The following ACAP3 variants were observed in gnomAD, a reference collection of about 807,000 sequenced individuals.
The protein encoded by ACAP3 is arf-GAP with coiled-coil, ANK repeat and PH domain-containing protein 3.
A neutral mutation model predicts 104.1 loss-of-function variants in ACAP3; 56 were observed. The ratio of observed to expected loss-of-function variants is 0.54; its 90% confidence interval spans 0.43 to 0.67. ACAP3 has a LOEUF of 0.67. ACAP3 is among the 30% of genes least tolerant of loss of function. The pLI is 0.00. For missense variants in ACAP3, 1,208 were observed against 1,174.9 expected, an observed-to-expected ratio of 1.03 and a Z score of -0.41; for synonymous variants, 628 against 496.2, an observed-to-expected ratio of 1.27 and a Z score of -3.53.
intron 16 of ACAP3, 27 bp downstream of exon 16, chr1:1,296,184 C>T (rs763627196): frequency 1.3e-5 from 20 of 1,594,992 alleles, no homozygotes; most frequent in Admixed American, 8.8e-5. Flanking sequence ...AACGGGGTCC[C>T]GTGGCCTCCA....
Position 1,295,736 on chromosome 1 carries a change from C to T in ACAP3, c.1705G>A (p.Val569Met). 1 of 1,600,732 alleles carries T rather than the reference C, an allele frequency of 6.2e-7. No homozygotes were observed. Among genetic ancestry groups the T allele is most frequent in the Non-Finnish European group, 8.5e-7 (1 of 1,175,600 alleles). The part of the protein sequence containing the change: ...VLPCVAALSS[V>M]GTLDRKFRRD... The stretch of plus-strand genomic sequence containing the variant: ...GCCCTGCCGGGGCATGGCCTCCCAC[C>T]TGAGGACAGAGCGGCCACACAGGGC... The change falls in exon 18 of 24, where the codon GTG (valine) becomes ATG (methionine). Residue 569 changes from valine to methionine, a missense_variant and splice_region_variant. Val to Met is a conservative substitution (Grantham distance 21, BLOSUM62 1). Coordinates refer to ENST00000354700, the MANE Select transcript of ACAP3 (RefSeq NM_030649.3).
Position 1,304,101 on chromosome 1 carries a change from C to T in ACAP3, c.90G>A (p.Glu30=). The change falls in exon 2 of 24, where the codon GAG becomes GAA. Residue 30 remains glutamate, a synonymous_variant. Transcript: ENST00000354700. ...DEVETDVVEI[E]AKLDKLVKLC... The stretch of plus-strand genomic sequence containing the variant: ...CGCCCTTCACCTTGTCCAGTTTGGC[C>T]TCAATCTCCACCACGTCCGTCTCCA... The T allele has an allele frequency of 6.4e-7, 1 of 1,550,784 alleles. No individual in the cohort carries two copies. Among genetic ancestry groups the T allele is most frequent in the Non-Finnish European group, 8.7e-7 (1 of 1,146,898 alleles).
At chr1:1,300,231 C>A in intron 6 of ACAP3, 29 bp from the exon 7 acceptor site, 5 of 1,580,560 alleles carry the variant, frequency 3.2e-6, no homozygotes, top group Non-Finnish European at 4.3e-6. Context: ...ACAGGTGAGC[C>A]CCGGAGGCTG....
At chr1:1,305,013 TAGGGCAGGGGTCCAGGAGCAGAGGCCATC>T (rs1209041148) in intron 1 of ACAP3, 1 of 152,378 alleles carries the variant, frequency 6.6e-6, no homozygotes, top group Admixed American at 6.5e-5. Context: ...ACTCCAGGTC[TAGGGCAGGGGTCCAGGAGCAGAGGCCATC>T]AGGGCCTACA....
chr1:1,301,228 A>T (rs1232466779), intron 5 of ACAP3, among the ~76,000 whole-genome samples: 1 of 143,476 alleles, frequency 7.0e-6, no homozygotes, highest in South Asian at 2.2e-4. Flanking sequence ...GTGCCACCAT[A>T]TAAGGCTTAT....
intron 20 of ACAP3, 31 bp from the exon 21 acceptor site, chr1:1,294,659 C>T (rs974061363): frequency 1.3e-6 from 2 of 1,535,804 alleles, no homozygotes; most frequent in African/African-American, 1.4e-5. Context: ...GGGAAAGCAA[C>T]CCCCGGGGCT....
chr1:1,293,668 C>T lies in ACAP3; in HGVS notation c.2401G>A (p.Glu801Lys). The T allele has an allele frequency of 6.9e-7, 1 of 1,459,474 alleles. No individual in the cohort carries two copies. The highest frequency in any genetic ancestry group is 1.3e-5 in the South Asian group (1 of 76,852). 90.4% of individuals were successfully genotyped at this position (1,459,474 alleles called of 1,614,324 possible). A position where few individuals can be genotyped will look rare whatever the true frequency, so the allele number is the denominator to read the frequency against. Residue 801 changes from glutamate to lysine, a missense_variant, in exon 24 of 24, where the codon GAG (glutamate) becomes AAG (lysine). By Grantham distance (56) the Glu-to-Lys change is moderately conservative. Coordinates refer to ENST00000354700, the MANE Select transcript of ACAP3 (RefSeq NM_030649.3). ...GCGCCCGGGGGACCAGGGGCAGCCT[C>T]GGCCTCGCGCATTTCCTCCGCCATG... ...ARMAEEMREA[E>K]AAPGPPGALA...
intron 14 of ACAP3, among the ~76,000 whole-genome samples, chr1:1,296,859 C>T (rs1413547435): frequency 6.6e-6 from 1 of 151,402 alleles, no homozygotes; most frequent in Non-Finnish European, 1.5e-5. Context: ...ACAGGTGGCG[C>T]CGAGCACACG....
rs760084099 is a variant in ACAP3, at chr1:1,299,770, G to A, written c.738+61C>T. On this transcript the variant is annotated intron_variant, in intron 9 of 23. Transcript: ENST00000354700. ...GGCGGGGAGGGTGTGCCGGGCATGG[G>A]GTGAGGACGCAGGGGCCTCCCAGGC... 9.4e-6 allele frequency: 14 copies of A among 1,493,796 alleles called. No individual in the cohort carries two copies. The South Asian group carries it at 1.7e-4, about 18-fold the overall frequency. 92.5% of individuals were successfully genotyped at this position (1,493,796 alleles called of 1,614,324 possible).
intron 1 of ACAP3, among the ~76,000 whole-genome samples, chr1:1,306,859 C>T (rs538784096): frequency 6.6e-6 from 1 of 152,230 alleles, no homozygotes; most frequent in Non-Finnish European, 1.5e-5. Flanking sequence ...TAACACAGTA[C>T]GTGAACCCAC....
chr1:1,293,973 G>A (rs989059688), intron 22 of ACAP3, 40 bp from the exon 23 acceptor site: 2 of 1,497,244 alleles, frequency 1.3e-6, no homozygotes, highest in African/African-American at 1.5e-5. Context: ...GGGCGGGGCG[G>A]GGCGGGGCGA....
rs774068891 is a variant in ACAP3, at chr1:1,299,373, G to A, written c.739-17C>T. ...CAGCAGCGTCTGGAGGGCCGGAGCA[G>A]GAGGGGGTAGGGGGAGAAAGCCAGT... On this transcript the variant is annotated splice_polypyrimidine_tract_variant and intron_variant, in intron 9 of 23. Coordinates refer to ENST00000354700, the MANE Select transcript of ACAP3 (RefSeq NM_030649.3). The A allele has an allele frequency of 1.9e-6, 3 of 1,554,806 alleles. No individual in the cohort carries two copies. Among genetic ancestry groups the A allele is most frequent in the East Asian group, 4.6e-5 (2 of 43,026 alleles).
At chr1:1,296,759 G>A (rs1298133408) in intron 14 of ACAP3, 126 bp from the exon 15 acceptor site, 4 of 973,122 alleles carry the variant, frequency 4.1e-6, no homozygotes, top group East Asian at 2.6e-5. Context: ...GCCCGCACAC[G>A]CACGTACACG....
intron 18 of ACAP3, 62 bp from the exon 19 acceptor site, chr1:1,295,616 G>A (rs904629634): frequency 6.3e-7 from 1 of 1,578,646 alleles, no homozygotes. Flanking sequence ...GGAACCCCAG[G>A]TCACGCCGGG....
intron 21 of ACAP3, 98 bp downstream of exon 21, chr1:1,294,304 T>A: frequency 6.6e-7 from 1 of 1,512,304 alleles, no homozygotes; most frequent in Non-Finnish European, 8.9e-7. Context: ...CCGAACGTGG[T>A]CCCCACCGCG....
At position 1,295,499 on chromosome 1, in the gene ACAP3, C is replaced by T; in HGVS notation, c.1761G>A (p.Leu587=). The stretch of plus-strand genomic sequence containing the variant: ...CGTCGAAGTAGGAGAAGAGCGAGTC[C>T]AGCTCGTCGGGACAGAAGAGGGAGT... ...RRDSLFCPDE[L]DSLFSYFDAG... Residue 587 remains leucine (L), a synonymous_variant, in exon 19 of 24, where the codon CTG becomes CTA. Coordinates refer to ENST00000354700, the MANE Select transcript of ACAP3 (RefSeq NM_030649.3). 6.2e-7 allele frequency: 1 copy of T among 1,612,660 alleles called. No individual in the cohort carries two copies. Among genetic ancestry groups the T allele is most frequent in the African/African-American group, 1.3e-5 (1 of 75,054 alleles).
chr1:1,295,344 A>G, intron 19 of ACAP3, 103 bp downstream of exon 19: 1 of 1,100,520 alleles, frequency 9.1e-7, no homozygotes, highest in Admixed American at 2.0e-5. Flanking sequence ...GCCCCTTCAG[A>G]TGCTGCTCCA....
chr1:1,304,113 C>T lies in ACAP3; in HGVS notation c.78G>A (p.Val26=). The stretch of plus-strand genomic sequence containing the variant: ...TGTCCAGTTTGGCCTCAATCTCCAC[C>T]ACGTCCGTCTCCACCTCGTCAATGG... ...RATIDEVETD[V]VEIEAKLDKL... is the part of the protein sequence containing the mutation. Residue 26 remains valine, a synonymous_variant, in exon 2 of 24, where the codon GTG becomes GTA. Transcript: ENST00000354700. The T allele has an allele frequency of 6.4e-7, 1 of 1,550,750 alleles. No individual in the cohort carries two copies. The highest frequency in any genetic ancestry group is 1.2e-5 in the South Asian group (1 of 84,066).
At chr1:1,295,634 G>A (rs779605420) in intron 18 of ACAP3, 80 bp from the exon 19 acceptor site, 88 of 1,560,216 alleles carry the variant, frequency 5.6e-5, no homozygotes, top group East Asian at 2.1e-4. Flanking sequence ...GGGAGTCTGC[G>A]GAGCCTGAGG....
Sources: allele counts gnomAD v4.1 joint callset (sites outside exome capture counted in the v4.1 genomes callset), GRCh38; gene constraint gnomAD v4.1.1; transcripts MANE v1.5; gene names NCBI Gene and HGNC (gene_info 2026-07-23, HGNC 2026-07-21).